The following BTG4 variants were observed in gnomAD, a reference collection of about 807,000 sequenced individuals.
BTG4 encodes BTG anti-proliferation factor 4, also known as protein BTG4.
In BTG4, 10 loss-of-function variants were observed where a neutral mutation model predicts 19.3. That is an observed-to-expected ratio of 0.52 (90% CI 0.32 to 0.88). The LOEUF (loss-of-function observed/expected upper bound fraction) is 0.88, where lower values mean the gene tolerates loss of function less well. Among genes scored for constraint, BTG4 ranks in the 40% least tolerant of loss-of-function variants. The pLI is 0.04. For synonymous variants in BTG4, 91 were observed against 95.7 expected (o/e 0.95, Z 0.29); for missense variants, 238 against 281.9 (o/e 0.84, Z 1.11).
the BTG4 span, chr11:111,456,485 G>T: frequency 2.2e-6 from 1 of 456,428 alleles, no homozygotes. This position sits in a 1 kb window ranked among gnomAD's most constrained non-coding sequence, Gnocchi z 4.2. Context: ...CCAGCCCAGG[G>T]CTGAGCAGGC....
the BTG4 span, among the ~76,000 whole-genome samples, chr11:111,391,517 T>C: frequency 6.6e-6 from 1 of 152,182 alleles, no homozygotes; most frequent in African/African-American, 2.4e-5. Flanking sequence ...GGCCGGGACT[T>C]CTTCCTCCTC....
the BTG4 span, among the ~76,000 whole-genome samples, chr11:111,420,287 T>C: frequency 6.6e-6 from 1 of 152,314 alleles, no homozygotes; most frequent in East Asian, 1.9e-4. Context: ...TTCAACCTCA[T>C]CCTGAAATTG....
At chr11:111,436,588 T>C in the BTG4 span, among the ~76,000 whole-genome samples, 1 of 151,014 alleles carries the variant, frequency 6.6e-6, no homozygotes, top group East Asian at 1.9e-4. Context: ...GATCTCACCA[T>C]TGCACTCCAG....
At chr11:111,446,857 AC>A in the BTG4 span, among the ~76,000 whole-genome samples, 2 of 152,218 alleles carry the variant, frequency 1.3e-5, no homozygotes, top group African/African-American at 4.8e-5. Context: ...CCTGTGCTGA[AC>A]ATTATGGTAA....
At chr11:111,480,213 G>A (rs542305820) in intron 5 of BTG4, among the ~76,000 whole-genome samples, 13 of 152,028 alleles carry the variant, frequency 8.6e-5, no homozygotes, top group East Asian at 1.9e-4. Flanking sequence ...AGATAAAGCC[G>A]ACATCACAGC....
chr11:111,445,173 C>T, the BTG4 span, among the ~76,000 whole-genome samples: 1 of 152,180 alleles, frequency 6.6e-6, no homozygotes, highest in Non-Finnish European at 1.5e-5. Flanking sequence ...CTGCCATCAA[C>T]CAGTTATGTG....
chr11:111,485,346 T>C (rs142150705), intron 5 of BTG4, among the ~76,000 whole-genome samples: 5 of 152,292 alleles, frequency 3.3e-5, no homozygotes, highest in South Asian at 2.1e-4. Flanking sequence ...GGACAGACCA[T>C]ATGTTAGGCC....
intron 5 of BTG4, chr11:111,473,448 C>G (rs945638038): frequency 1.3e-5 from 2 of 152,528 alleles, no homozygotes; most frequent in African/African-American, 4.8e-5. Flanking sequence ...TGATCAATAG[C>G]ATTAAGATAA....
the BTG4 span, among the ~76,000 whole-genome samples, chr11:111,412,470 T>C: frequency 3.3e-5 from 5 of 152,250 alleles, no homozygotes; most frequent in East Asian, 9.6e-4. Flanking sequence ...TGCATACCAC[T>C]TTGATGCTGA....
chr11:111,453,553 T>C, the BTG4 span: 7 of 455,638 alleles, frequency 1.5e-5, no homozygotes, highest in Admixed American at 1.2e-4. Flanking sequence ...TCACCAAGAC[T>C]CTGACGCCCC....
In BTG4 at chr11:111,498,005, A is replaced by G. The variant is rs1389711317; in HGVS notation, c.304T>C (p.Cys102Arg). ...AACTATGAGATTACTCACCTACAGCATACTTCAAAGGGATCTACCCATATG... is the reference window on the plus strand; with the variant it reads ...AACTATGAGATTACTCACCTACAGCGTACTTCAAAGGGATCTACCCATATG... ...MTIWVDPFEVCCRYGEKNHPF... is the reference protein window; with the variant it reads ...MTIWVDPFEVRCRYGEKNHPF... The change falls in exon 3 of 5, where the codon TGC becomes CGC. Residue 102 changes from cysteine (C) to arginine (R), a missense_variant. By Grantham distance (180) the Cys-to-Arg change is radical. Transcript: ENST00000692032. The G allele has an allele frequency of 6.2e-7, 1 of 1,613,944 alleles. No homozygotes were observed. The highest frequency in any genetic ancestry group is 1.3e-5 in the African/African-American group (1 of 75,052).
At chr11:111,497,054 A>T in intron 4 of BTG4, 157 bp downstream of exon 4, 1 of 611,150 alleles carries the variant, frequency 1.6e-6, no homozygotes. Context: ...AGTGAAGGAG[A>T]CAGAAAAAGT....
chr11:111,439,501 G>A, the BTG4 span, among the ~76,000 whole-genome samples: 22 of 152,022 alleles, frequency 1.4e-4, no homozygotes, highest in Admixed American at 3.3e-4. Context: ...CTGTACTCTC[G>A]GTGCCCCCCA....
the BTG4 span, among the ~76,000 whole-genome samples, chr11:111,437,445 G>A: frequency 6.6e-6 from 1 of 152,162 alleles, no homozygotes; most frequent in Non-Finnish European, 1.5e-5. Flanking sequence ...GGAAAGGGAT[G>A]GAGTTTCTCA....
At chr11:111,421,848 G>A in the BTG4 span, among the ~76,000 whole-genome samples, 15 of 152,296 alleles carry the variant, frequency 9.8e-5, no homozygotes, top group Admixed American at 2.6e-4. Flanking sequence ...GGGCAGCAGA[G>A]GTTGCAGTGA....
At chr11:111,392,752 C>A in the BTG4 span, among the ~76,000 whole-genome samples, 1 of 152,186 alleles carries the variant, frequency 6.6e-6, no homozygotes, top group East Asian at 1.9e-4. Flanking sequence ...TTCCAGCCTG[C>A]ACAGTGGTAA....
At chr11:111,428,082 C>T in the BTG4 span, among the ~76,000 whole-genome samples, 8,837 of 152,190 alleles carry the variant, frequency 0.058, 346 homozygotes, top group Middle Eastern at 0.15. Flanking sequence ...GTATTTTCCT[C>T]GCCAAGAGCT....
the BTG4 span, among the ~76,000 whole-genome samples, chr11:111,411,016 T>A: frequency 2.0e-5 from 3 of 152,218 alleles, no homozygotes; most frequent in Admixed American, 6.5e-5. Context: ...GCCTAAGCTA[T>A]CATCATTTCT....
the BTG4 span, among the ~76,000 whole-genome samples, chr11:111,425,292 G>A: frequency 6.6e-6 from 1 of 152,130 alleles, no homozygotes; most frequent in Non-Finnish European, 1.5e-5. Context: ...CTGCATGCCA[G>A]GCACTCTGTA....
Sources: allele counts gnomAD v4.1 joint callset (sites outside exome capture counted in the v4.1 genomes callset), GRCh38; gene constraint gnomAD v4.1.1; non-coding constraint Gnocchi (gnomAD v3.1); transcripts MANE v1.5; gene names NCBI Gene and HGNC (gene_info 2026-07-23, HGNC 2026-07-21).